Variants in MSR1 observed in about 807,000 individuals in gnomAD.
MSR1 encodes the protein macrophage scavenger receptor types I and II.
In MSR1, 53 loss-of-function variants were observed where a neutral mutation model predicts 47.2. That is an observed-to-expected ratio of 1.12 (90% CI 0.90 to 1.41). MSR1 has a LOEUF of 1.41. Among genes scored for constraint, MSR1 ranks in the 40% most tolerant of loss-of-function variants. The pLI is 0.00. For synonymous variants in MSR1, 239 were observed against 185.6 expected (o/e 1.29, Z -2.34); for missense variants, 786 against 546.9 (o/e 1.44, Z -4.36).
chr8:16,147,671 T>C (rs1800737787), intron 7 of MSR1, among the ~76,000 whole-genome samples: 1 of 152,162 alleles, frequency 6.6e-6, no homozygotes, highest in South Asian at 2.1e-4. Context: ...CAGACTCTTG[T>C]AGAGGAGAGA....
intron 6 of MSR1, 129 bp from the exon 7 acceptor site, chr8:16,150,440 T>C (rs895126060): frequency 1.3e-5 from 5 of 373,146 alleles, no homozygotes; most frequent in Non-Finnish European, 2.4e-5. Context: ...GAATAATATC[T>C]TTCCTAAAAT....
At chr8:16,191,780 T>A (rs891344679) in intron 1 of MSR1, among the ~76,000 whole-genome samples, 3 of 152,138 alleles carry the variant, frequency 2.0e-5, no homozygotes, top group Admixed American at 6.6e-5. Context: ...CTATAAGTAT[T>A]TTTACCTGGT....
intron 1 of MSR1, 88 bp from the exon 2 acceptor site, chr8:16,178,080 G>C (rs958006103): frequency 1.0e-6 from 1 of 986,828 alleles, no homozygotes; most frequent in Non-Finnish European, 1.5e-6. Context: ...ATTTCAGTTT[G>C]AAATGGAATC....
chr8:16,118,155 A>G (rs912628411), intron 9 of MSR1, among the ~76,000 whole-genome samples: 1 of 152,116 alleles, frequency 6.6e-6, no homozygotes, highest in Non-Finnish European at 1.5e-5. Flanking sequence ...TGCATTGATT[A>G]TATTATCTAA....
intron 4 of MSR1, 66 bp downstream of exon 4, chr8:16,168,392 C>A: frequency 6.4e-7 from 1 of 1,566,558 alleles, no homozygotes; most frequent in Non-Finnish European, 8.8e-7. Flanking sequence ...TCCTGTACTG[C>A]CTAAGGAGAC....
At chr8:16,170,459 T>C (rs116397671) in intron 3 of MSR1, among the ~76,000 whole-genome samples, 1,679 of 152,298 alleles carry the variant, frequency 0.011, 32 homozygotes, top group African/African-American at 0.038. Context: ...TATCTCTCTA[T>C]ATGTATCTAT....
chr8:16,119,581 T>C (rs766685753), intron 9 of MSR1, among the ~76,000 whole-genome samples: 1 of 152,150 alleles, frequency 6.6e-6, no homozygotes, highest in Non-Finnish European at 1.5e-5. Flanking sequence ...TGACCTATTA[T>C]TAACGCTATG....
At chr8:16,184,739 C>T (rs955874842) in intron 1 of MSR1, among the ~76,000 whole-genome samples, 1 of 152,022 alleles carries the variant, frequency 6.6e-6, no homozygotes, top group Non-Finnish European at 1.5e-5. Context: ...TTGCTTTTCT[C>T]CCTTTCACTT....
At position 16,189,594 on chromosome 8, in the gene MSR1, T is replaced by G. The variant is rs1347615371; in HGVS notation, c.-5+3004A>C. 4.0e-5 allele frequency among the ~76,000 whole-genome samples: 3 copies of G among 74,704 alleles called. 1 individual carries two copies. Among genetic ancestry groups the G allele is most frequent in the African/African-American group, 3.0e-4 (3 of 10,034 alleles). The allele number at this position is 74,704 out of a possible 152,430, so 49.0% of individuals were successfully genotyped here. On this transcript the variant is annotated intron_variant, in intron 1 of 9. Coordinates refer to ENST00000262101, the MANE Select transcript of MSR1 (RefSeq NM_138715.3). ...TTTTATATATATTTTATATATATTT[T>G]ATATATATATAAAATCTTATTTTAT...
chr8:16,118,387 T>C (rs898658327), intron 9 of MSR1, among the ~76,000 whole-genome samples: 1 of 152,148 alleles, frequency 6.6e-6, no homozygotes, highest in African/African-American at 2.4e-5. Context: ...AAATAAATGG[T>C]CTTTCATTCT....
chr8:16,173,236 G>C (rs144083002), intron 3 of MSR1, among the ~76,000 whole-genome samples: 2,031 of 152,160 alleles, frequency 0.013, 53 homozygotes, highest in African/African-American at 0.047. Flanking sequence ...CTAATAGCTC[G>C]GGGACTTTGA....
chr8:16,164,358 A>C (rs1362868850), intron 4 of MSR1, 107 bp from the exon 5 acceptor site: 14 of 842,718 alleles, frequency 1.7e-5, no homozygotes, highest in Non-Finnish European at 3.8e-6. Context: ...ATATTATGGG[A>C]GTTTTATGGA....
chr8:16,110,711 T>C (rs6981908), intron 9 of MSR1, among the ~76,000 whole-genome samples: 13,810 of 152,142 alleles, frequency 0.091, 828 homozygotes, highest in African/African-American at 0.16. Flanking sequence ...TTTCAATTTA[T>C]GTGTGCCTGG....
chr8:16,162,943 T>TA (rs916604643), intron 5 of MSR1, among the ~76,000 whole-genome samples: 5 of 150,924 alleles, frequency 3.3e-5, no homozygotes, highest in Non-Finnish European at 7.4e-5. Flanking sequence ...AGTTCTCGAT[T>TA]AAAAAAAAAT....
chr8:16,190,040 G>A (rs1027820885), intron 1 of MSR1, among the ~76,000 whole-genome samples: 2 of 148,584 alleles, frequency 1.3e-5, no homozygotes, highest in Admixed American at 6.9e-5. Flanking sequence ...TCAGCTTCCC[G>A]AGTAGCGGGA....
intron 8 of MSR1, among the ~76,000 whole-genome samples, chr8:16,126,336 A>G (rs1304421673): frequency 6.6e-6 from 1 of 152,160 alleles, no homozygotes; most frequent in African/African-American, 2.4e-5. Flanking sequence ...GAGGAGCATA[A>G]CAGTTATTAT....
chr8:16,159,562 A>G (rs1049787963), intron 5 of MSR1, among the ~76,000 whole-genome samples: 3 of 151,992 alleles, frequency 2.0e-5, no homozygotes, highest in African/African-American at 7.2e-5. Context: ...AACACATGAT[A>G]AAGGATAAAG....
intron 8 of MSR1, chr8:16,140,699 G>A (rs1201941707): frequency 7.4e-7 from 1 of 1,344,660 alleles, no homozygotes; most frequent in Non-Finnish European, 9.5e-7. Flanking sequence ...AGAGAACTGA[G>A]GACTGGTTGG....
intron 1 of MSR1, among the ~76,000 whole-genome samples, chr8:16,192,032 A>G (rs1232013302): frequency 6.6e-6 from 1 of 152,130 alleles, no homozygotes; most frequent in African/African-American, 2.4e-5. Flanking sequence ...CATTATGCCT[A>G]TTTGGGGATA....
Sources: allele counts gnomAD v4.1 joint callset (sites outside exome capture counted in the v4.1 genomes callset), GRCh38; gene constraint gnomAD v4.1.1; transcripts MANE v1.5; gene names NCBI Gene and HGNC (gene_info 2026-07-23, HGNC 2026-07-21).